Variants in ELN observed in about 807,000 individuals in gnomAD.
ELN encodes tropoelastin.
Under a neutral mutation model 105.8 loss-of-function variants are expected in ELN, and 65 were observed. That is an observed-to-expected ratio of 0.61 (90% confidence interval 0.50 to 0.75). ELN has a LOEUF of 0.75. Among genes scored for constraint, ELN ranks in the 30% least tolerant of loss-of-function variants. The pLI is 0.00. For missense variants in ELN, 882 were observed against 969.4 expected (o/e 0.91, Z 1.20); for synonymous variants, 368 against 389.2 (o/e 0.95, Z 0.64).
chr7:74,047,100 GA>G (rs11444741), intron 12 of ELN, among the ~76,000 whole-genome samples: 64 of 149,604 alleles, frequency 4.3e-4, no homozygotes, highest in African/African-American at 1.0e-3. Flanking sequence ...AGAAAAAGAA[GA>G]AAAAAAAAAT....
intron 1 of ELN, among the ~76,000 whole-genome samples, chr7:74,031,021 G>A (rs1438799887): frequency 6.6e-6 from 1 of 152,212 alleles, no homozygotes. Context: ...ACAACAAACA[G>A]CTTCGTGTGG....
rs1796554387 is a variant in ELN, at chr7:74,061,137, A to G, written c.1784A>G (p.Tyr595Cys). 1 of 1,613,998 alleles carries G rather than the reference A, an allele frequency of 6.2e-7. No individual in the cohort carries two copies. Among genetic ancestry groups the G allele is most frequent in the Non-Finnish European group, 8.5e-7 (1 of 1,180,026 alleles). ...GALAAAKAAK[Y>C]GAAVPGVLGG... is the part of the protein sequence containing the mutation. ...CTGGCTGCCGCTAAAGCAGCCAAAT[A>G]TGGTGAGTGCACCCCACAACCACTT... Residue 595 changes from tyrosine (Y) to cysteine (C), a missense_variant and splice_region_variant, in exon 26 of 33, where the codon TAT (tyrosine) becomes TGT (cysteine). By Grantham distance (194) the Tyr-to-Cys change is radical. Coordinates refer to ENST00000252034, the MANE Select transcript of ELN (RefSeq NM_000501.4).
rs1276121664 is a variant in ELN, at chr7:74,059,358, A to G, written c.1415-528A>G. ...GTAAATCTGCCTCCATCAGCCTCAA[A>G]TCTCCAAGGGGTCCTTGTCACTGAA... On this transcript the variant is annotated intron_variant, in intron 22 of 32. Transcript: ENST00000252034. 4.6e-5 allele frequency among the ~76,000 whole-genome samples: 7 copies of G among 152,096 alleles called. No homozygotes were observed. The South Asian group carries it at 1.5e-3, about 32-fold the overall frequency.
intron 2 of ELN, chr7:74,035,690 T>A: frequency 1.9e-6 from 1 of 524,110 alleles, no homozygotes; most frequent in Non-Finnish European, 3.5e-6. Context: ...GACAACATAG[T>A]GAGATCCCCC....
rs1223839051 is a variant in ELN, at chr7:74,042,970, T to A, written c.326-14T>A. Reference sequence around the variant, plus strand: ...TGTTCCTTACGCAATGCCTCACCTGTCCTGGCTCTGCAGGCGCTGGGCTTG... The same window carrying A: ...TGTTCCTTACGCAATGCCTCACCTGACCTGGCTCTGCAGGCGCTGGGCTTG... On this transcript the variant is annotated splice_polypyrimidine_tract_variant and intron_variant, in intron 6 of 32. Coordinates refer to ENST00000252034, the MANE Select transcript of ELN (RefSeq NM_000501.4). 1 of 1,614,088 alleles carries A rather than the reference T, an allele frequency of 6.2e-7. No individual in the cohort carries two copies. The highest frequency in any genetic ancestry group is 1.3e-5 in the African/African-American group (1 of 75,008).
In ELN at chr7:74,063,264, T is replaced by A; in HGVS notation, c.1858+40T>A. ...CAGGAGGGGCAGGGTGGGGAGGGAA[T>A]CTAACCAGTACAGAGTGCCTCCCTG... On this transcript the variant is annotated intron_variant, in intron 27 of 32. Coordinates refer to ENST00000252034, the MANE Select transcript of ELN (RefSeq NM_000501.4). This position sits in a 1 kb window ranked among gnomAD's most constrained non-coding sequence, Gnocchi z 4.1. 6.3e-7 allele frequency: 1 copy of A among 1,587,902 alleles called. No individual in the cohort carries two copies. Among genetic ancestry groups the A allele is most frequent in the Non-Finnish European group, 8.6e-7 (1 of 1,168,234 alleles).
chr7:74,042,868 G>A, intron 6 of ELN, 116 bp from the exon 7 acceptor site: 2 of 1,580,234 alleles, frequency 1.3e-6, no homozygotes. Flanking sequence ...TGCCCAGTCT[G>A]AAGGTGAGTT....
In ELN at chr7:74,063,413, C is replaced by G. The variant is rs370226304; in HGVS notation, c.1918+44C>G. The stretch of plus-strand genomic sequence containing the variant: ...TGGGAGCTGCCGCCAGGCCCCCAGG[C>G]CCCCAGGGTGTGGGAGGAGCTTCTG... On this transcript the variant is annotated intron_variant, in intron 28 of 32. Coordinates refer to ENST00000252034, the MANE Select transcript of ELN (RefSeq NM_000501.4). The surrounding 1 kb of genome is among the most constrained non-coding windows in gnomAD (Gnocchi z 4.1). 1.3e-6 allele frequency: 2 copies of G among 1,544,846 alleles called. No homozygotes were observed. Among genetic ancestry groups the G allele is most frequent in the African/African-American group, 2.7e-5 (2 of 73,060 alleles).
chr7:74,044,899 G>A lies in ELN; in HGVS notation c.470-323G>A, dbSNP rs537667040. On this transcript the variant is annotated intron_variant, in intron 9 of 32. Coordinates refer to ENST00000252034, the MANE Select transcript of ELN (RefSeq NM_000501.4). Reference sequence around the variant, plus strand: ...GTCTACGGGCGAGTGGCACCGCGCAGCAGCTGTCCCTCTCTTTACCTTTTC... The same window carrying A: ...GTCTACGGGCGAGTGGCACCGCGCAACAGCTGTCCCTCTCTTTACCTTTTC... Among the ~76,000 whole-genome samples, 5 of 152,342 alleles carry A rather than the reference G, an allele frequency of 3.3e-5. No homozygotes were observed. The South Asian group carries it at 8.3e-4, about 25-fold the overall frequency.
At chr7:74,065,603 G>A (rs1797760900) in intron 29 of ELN, 91 bp from the exon 30 acceptor site, 2 of 1,474,358 alleles carry the variant, frequency 1.4e-6, no homozygotes, top group African/African-American at 2.9e-5. Flanking sequence ...GAAGGAGTGA[G>A]ACTCTGCCTC....
intron 24 of ELN, 51 bp downstream of exon 24, chr7:74,060,235 GT>G: frequency 1.9e-6 from 3 of 1,614,042 alleles, no homozygotes; most frequent in Non-Finnish European, 2.5e-6. Context: ...CTCAGAGCTG[GT>G]TAGGGGCAAC....
chr7:74,058,874 C>A (rs1328723672), intron 22 of ELN, among the ~76,000 whole-genome samples: 1 of 152,154 alleles, frequency 6.6e-6, no homozygotes, highest in Non-Finnish European at 1.5e-5. Context: ...GGCCAGAGAG[C>A]ATTTCGACTG....
At chr7:74,042,898 AATGCTGGGCCCTCAGC>A in intron 6 of ELN, 70 bp from the exon 7 acceptor site, 1 of 1,607,934 alleles carries the variant, frequency 6.2e-7, no homozygotes, top group Non-Finnish European at 8.5e-7. Flanking sequence ...GCCAGACCTC[AATGCTGGGCCCTCAGC>A]ATGCAGCCCC....
chr7:74,052,020 G>T (rs1794165667), intron 17 of ELN, 37 bp downstream of exon 17: 1 of 1,611,178 alleles, frequency 6.2e-7, no homozygotes, highest in Non-Finnish European at 8.5e-7. Context: ...CACGGCTCGG[G>T]CCCCTGCATA....
At chr7:74,037,276 C>A (rs1414587559) in intron 3 of ELN, among the ~76,000 whole-genome samples, 1 of 151,784 alleles carries the variant, frequency 6.6e-6, no homozygotes, top group African/African-American at 2.4e-5. Flanking sequence ...TCACTGTAAC[C>A]TCCACCTCCC....
chr7:74,034,215 G>T (rs1789383798), intron 1 of ELN, among the ~76,000 whole-genome samples: 1 of 152,208 alleles, frequency 6.6e-6, no homozygotes, highest in African/African-American at 2.4e-5. Context: ...GTGTGGGAAT[G>T]GCTGCATTTG....
At chr7:74,052,130 C>A in intron 17 of ELN, 147 bp downstream of exon 17, 2 of 872,608 alleles carry the variant, frequency 2.3e-6, no homozygotes, top group Non-Finnish European at 3.6e-6. Context: ...CTTCTGATCA[C>A]TCTACCTGAG....
chr7:74,036,471 G>A (rs1584493106), intron 2 of ELN, 84 bp from the exon 3 acceptor site: 1 of 1,582,798 alleles, frequency 6.3e-7, no homozygotes, highest in South Asian at 1.1e-5. Context: ...AGGCAGAGGT[G>A]GATTCAGCCA....
chr7:74,029,571 G>A (rs1167008179), intron 1 of ELN, among the ~76,000 whole-genome samples: 2 of 152,164 alleles, frequency 1.3e-5, no homozygotes, highest in African/African-American at 2.4e-5. Flanking sequence ...AAGGGCCTGG[G>A]CAGGAGCTGC....
Sources: gnomAD v4.1 joint callset for allele counts (sites outside exome capture counted in the v4.1 genomes callset) on GRCh38, gnomAD v4.1.1 for gene constraint, Gnocchi (gnomAD v3.1) non-coding constraint, MANE v1.5 for transcripts, NCBI Gene and HGNC (gene_info 2026-07-23, HGNC 2026-07-21) for gene names.